The following CLASP1 variants were observed in gnomAD, a reference collection of about 807,000 sequenced individuals.
CLASP1 encodes the protein CLIP-associating protein 1.
Under a neutral mutation model 192.3 loss-of-function variants are expected in CLASP1, and 38 were observed. The observed-to-expected ratio is 0.20, with a 90% CI of 0.15 to 0.26. The LOEUF (loss-of-function observed/expected upper bound fraction) is 0.26. CLASP1 is among the 10% of genes least tolerant of loss of function. The pLI is 1.00. For missense variants in CLASP1, 1,433 were observed against 1,932.5 expected (o/e 0.74, Z 4.85); for synonymous variants, 691 against 712.8 (o/e 0.97, Z 0.49).
intron 8 of CLASP1, among the ~76,000 whole-genome samples, chr2:121,491,295 T>C (rs2093292586): frequency 6.6e-6 from 1 of 152,240 alleles, no homozygotes; most frequent in African/African-American, 2.4e-5. Flanking sequence ...TTACTTCAGC[T>C]ACAAATTTAT....
chr2:121,393,593 G>C (rs1372802363), intron 30 of CLASP1, among the ~76,000 whole-genome samples: 1 of 152,068 alleles, frequency 6.6e-6, no homozygotes, highest in African/African-American at 2.4e-5. Context: ...AGTGCTTCAA[G>C]AACGTCTCAT....
At chr2:121,473,130 T>C (rs983201900) in intron 8 of CLASP1, among the ~76,000 whole-genome samples, 5 of 151,942 alleles carry the variant, frequency 3.3e-5, no homozygotes, top group African/African-American at 1.2e-4. Context: ...ATGTGGCCCA[T>C]AATCAGGAGG....
At chr2:121,555,014 A>G (rs1413991346) in intron 2 of CLASP1, among the ~76,000 whole-genome samples, 1 of 152,232 alleles carries the variant, frequency 6.6e-6, no homozygotes, top group Non-Finnish European at 1.5e-5. Context: ...ATCCAGAAAT[A>G]TCGGCTGTTG....
At chr2:121,621,609 T>A (rs1042733196) in intron 1 of CLASP1, among the ~76,000 whole-genome samples, 2 of 152,248 alleles carry the variant, frequency 1.3e-5, no homozygotes, top group Non-Finnish European at 2.9e-5. Context: ...TTGTTGAAAA[T>A]CAATTGACCA....
chr2:121,649,427 T>G (rs1443695152), exon 1 of CLASP1: 1 of 124,948 alleles, frequency 8.0e-6, no homozygotes, highest in Non-Finnish European at 1.6e-5. Flanking sequence ...CGCCTTCTCC[T>G]CCACCCCAAT....
chr2:121,587,067 C>T (rs550718731), intron 2 of CLASP1, among the ~76,000 whole-genome samples: 8 of 151,988 alleles, frequency 5.3e-5, no homozygotes, highest in Admixed American at 2.0e-4. Flanking sequence ...ATGGTGAAAC[C>T]CTGTCTCAAC....
chr2:121,466,134 T>A lies in CLASP1; in HGVS notation c.866-3529A>T, dbSNP rs552608583. On this transcript the variant is annotated intron_variant, in intron 9 of 39. Coordinates refer to ENST00000263710, the Ensembl canonical transcript of CLASP1. ...GTTCAAGAAAAAAGATTAGAAAGAT[T>A]GTTCAGGCATTAAAAGGAACAAAGT... 2.1e-3 allele frequency among the ~76,000 whole-genome samples: 317 copies of A among 152,352 alleles called. 1 individual carries two copies. The highest frequency in any genetic ancestry group is 6.1e-3 in the African/African-American group (254 of 41,592).
chr2:121,515,898 A>G lies in CLASP1; in HGVS notation c.547-136T>C, dbSNP rs2094278054. 7.4e-6 allele frequency: 5 copies of G among 674,656 alleles called. No individual in the cohort carries two copies. In the South Asian group the frequency reaches 8.9e-5, roughly 12 times the overall value. 41.8% of individuals were successfully genotyped at this position (674,656 alleles called of 1,614,324 possible). A position where few individuals can be genotyped will look rare whatever the true frequency, so the allele number is the denominator to read the frequency against. Reference sequence around the variant, plus strand: ...AACTGTGAATACAATCCTTATATACATTTGTCTAGAGAAAGCCATGTTTTG... The same window carrying G: ...AACTGTGAATACAATCCTTATATACGTTTGTCTAGAGAAAGCCATGTTTTG... On this transcript the variant is annotated intron_variant, in intron 6 of 39. Transcript: ENST00000263710.
intron 1 of CLASP1, among the ~76,000 whole-genome samples, chr2:121,639,218 AG>A (rs2071544148): frequency 6.6e-6 from 1 of 152,004 alleles, no homozygotes; most frequent in South Asian, 2.1e-4. Flanking sequence ...CAGAGCTTGC[AG>A]TGAGCCAAGA....
At chr2:121,419,504 G>A (rs538747636) in intron 22 of CLASP1, among the ~76,000 whole-genome samples, 1 of 152,216 alleles carries the variant, frequency 6.6e-6, no homozygotes, top group Admixed American at 6.5e-5. Context: ...AGAGCAAGTA[G>A]ATCAATACTC....
rs141976830 is a variant in CLASP1, at chr2:121,376,242, C to A, written c.3642+1257G>T. On this transcript the variant is annotated intron_variant, in intron 34 of 39. Transcript: ENST00000263710. ...GCCTACACCCTCATGTTTGTTATAG[C>A]ACTATTCACAATAGCCAAGATACAG... Among the ~76,000 whole-genome samples the A allele has an allele frequency of 2.0e-3, 311 of 152,284 alleles. 5 individuals carry two copies. The East Asian group carries it at 0.054, about 27-fold the overall frequency.
Position 121,562,555 on chromosome 2 carries a change from T to A in CLASP1, c.196-32230A>T, listed in dbSNP as rs565594835. The stretch of plus-strand genomic sequence containing the variant: ...GAGTCCTATGACTCCCTCCATAAAA[T>A]CAACTGAGTAGAATACTGAACAGCT... On this transcript the variant is annotated intron_variant, in intron 2 of 39. Transcript: ENST00000263710. Among the ~76,000 whole-genome samples, 3 of 152,274 alleles carry A rather than the reference T, an allele frequency of 2.0e-5. No individual in the cohort carries two copies. In the East Asian group the frequency reaches 5.8e-4, roughly 29 times the overall value.
intron 9 of CLASP1, among the ~76,000 whole-genome samples, chr2:121,466,091 G>C (rs140573077): frequency 1.1e-4 from 17 of 152,206 alleles, no homozygotes; most frequent in African/African-American, 4.1e-4. Context: ...TTGTGCAACG[G>C]ATAATTACCC....
intron 37 of CLASP1, among the ~76,000 whole-genome samples, chr2:121,357,464 A>G (rs1341152402): frequency 6.6e-6 from 1 of 152,152 alleles, no homozygotes; most frequent in Non-Finnish European, 1.5e-5. Flanking sequence ...CAGAGTGTCT[A>G]TGACTTGTCC....
At chr2:121,444,753 G>A (rs2084016945) in intron 19 of CLASP1, among the ~76,000 whole-genome samples, 1 of 152,156 alleles carries the variant, frequency 6.6e-6, no homozygotes, top group Admixed American at 6.5e-5. Flanking sequence ...AGAAAGGGAA[G>A]GAGAACTCAG....
chr2:121,391,346 G>GA (rs1466731026), intron 30 of CLASP1, among the ~76,000 whole-genome samples: 5 of 152,212 alleles, frequency 3.3e-5, no homozygotes, highest in Non-Finnish European at 5.9e-5. Context: ...ACGCTGAAGT[G>GA]AGGACTGGCA....
intron 31 of CLASP1, among the ~76,000 whole-genome samples, 165 bp from the exon 33 acceptor site, chr2:121,387,393 C>G (rs570913283): frequency 1.3e-5 from 2 of 151,556 alleles, no homozygotes; most frequent in East Asian, 3.9e-4. Flanking sequence ...TGTATATAAA[C>G]CAAAAATGAA....
At chr2:121,373,912 T>C (rs1315184866) in intron 34 of CLASP1, among the ~76,000 whole-genome samples, 1 of 152,204 alleles carries the variant, frequency 6.6e-6, no homozygotes, top group Non-Finnish European at 1.5e-5. Context: ...TTTGGAAAAT[T>C]TGCAGCCCAA....
intron 2 of CLASP1, among the ~76,000 whole-genome samples, chr2:121,549,901 G>A (rs1029161164): frequency 2.0e-5 from 3 of 151,348 alleles, no homozygotes; most frequent in Non-Finnish European, 4.4e-5. Context: ...AGCTACTCAG[G>A]AGGCTGAGGC....
Sources: gnomAD v4.1 joint callset for allele counts (sites outside exome capture counted in the v4.1 genomes callset) on GRCh38, gnomAD v4.1.1 for gene constraint, MANE v1.5 for transcripts, NCBI Gene and HGNC (gene_info 2026-07-23, HGNC 2026-07-21) for gene names.